The following DPP10 variants were observed in gnomAD, a reference collection of about 807,000 sequenced individuals.
DPP10 encodes inactive dipeptidyl peptidase 10.
DPP10 carries 33 observed loss-of-function variants against 120.9 expected under a neutral mutation model. That is an observed-to-expected ratio of 0.27 (90% CI 0.21 to 0.37). The LOEUF is 0.37. Ranked by LOEUF, DPP10 falls within the 10% of genes least tolerant of loss-of-function variation. DPP10 has a pLI of 1.00. For missense variants in DPP10, 816 were observed against 942.8 expected, an observed-to-expected ratio of 0.87 and a Z score of 1.76; for synonymous variants, 337 against 326.1, an observed-to-expected ratio of 1.03 and a Z score of -0.36.
chr2:115,290,732 T>C (rs764014583), intron 1 of DPP10, among the ~76,000 whole-genome samples: 1 of 152,126 alleles, frequency 6.6e-6, no homozygotes, highest in Non-Finnish European at 1.5e-5. Context: ...AAGCATTTCA[T>C]TTTCCCTGTA....
chr2:115,541,287 A>C (rs1030741830), intron 5 of DPP10, among the ~76,000 whole-genome samples: 2 of 151,902 alleles, frequency 1.3e-5, no homozygotes, highest in Admixed American at 6.6e-5. Flanking sequence ...GGTTAATTTA[A>C]AATTTCCCAC....
At chr2:115,709,275 T>C (rs2092237817) in intron 7 of DPP10, among the ~76,000 whole-genome samples, 1 of 151,982 alleles carries the variant, frequency 6.6e-6, no homozygotes, top group East Asian at 1.9e-4. Context: ...AAAGAGCCCT[T>C]GAGTAGCTGT....
At chr2:115,838,229 G>A (rs1689734324) in intron 24 of DPP10, among the ~76,000 whole-genome samples, 1 of 152,172 alleles carries the variant, frequency 6.6e-6, no homozygotes, top group African/African-American at 2.4e-5. Context: ...TGATGAAAGA[G>A]AGCGTAAAAA....
At chr2:115,757,688 C>T (rs1197044502) in intron 11 of DPP10, among the ~76,000 whole-genome samples, 1 of 151,900 alleles carries the variant, frequency 6.6e-6, no homozygotes, top group Non-Finnish European at 1.5e-5. Context: ...ATACTCAACT[C>T]CAGCAATATA....
chr2:114,688,369 A>G (rs1699508268), intron 1 of DPP10, among the ~76,000 whole-genome samples: 1 of 151,896 alleles, frequency 6.6e-6, no homozygotes, highest in South Asian at 2.1e-4. Flanking sequence ...TTCTACCTAG[A>G]TGTACCTGAG....
intron 1 of DPP10, chr2:115,161,641 G>A (rs2052369201): frequency 5.2e-5 from 13 of 251,370 alleles, no homozygotes; most frequent in South Asian, 1.6e-4. Context: ...GTCAGGGGCC[G>A]GGGCCCCGCC....
intron 3 of DPP10, among the ~76,000 whole-genome samples, chr2:115,382,570 T>C (rs990120174): frequency 2.0e-5 from 3 of 152,178 alleles, no homozygotes; most frequent in Admixed American, 2.0e-4. Context: ...TATTCGGCCA[T>C]CTTCTAATAG....
Position 115,746,104 on chromosome 2 carries a change from A to G in DPP10, c.871A>G (p.Thr291Ala). The G allele has an allele frequency of 1.2e-6, 2 of 1,608,978 alleles. No individual in the cohort carries two copies. The highest frequency in any genetic ancestry group is 8.5e-7 in the Non-Finnish European group (1 of 1,178,646). ...PYPKAGQVNPTIKLYVVNLYG... is the reference protein window; with the variant it reads ...PYPKAGQVNPAIKLYVVNLYG... ...CTCAAAGGCAGGTCAAGTGAACCCA[A>G]CAATAAAATTATATGTTGTAAACCT... is the stretch of plus-strand genomic sequence containing the variant. Residue 291 changes from threonine (T) to alanine (A), a missense_variant, in exon 10 of 26, where the codon ACA becomes GCA. Physicochemically the swap from Thr to Ala is moderately conservative, Grantham distance 58. Transcript: ENST00000410059.
At chr2:114,544,298 G>C (rs998380076) in intron 1 of DPP10, among the ~76,000 whole-genome samples, 6 of 152,190 alleles carry the variant, frequency 3.9e-5, no homozygotes, top group African/African-American at 1.4e-4. Flanking sequence ...CACGAGGCAA[G>C]AACGCTTCAG....
intron 1 of DPP10, among the ~76,000 whole-genome samples, chr2:114,617,596 GTTTAGTGTTGTT>G (rs986221922): frequency 2.0e-5 from 3 of 151,974 alleles, no homozygotes; most frequent in African/African-American, 7.2e-5. Context: ...CTGGCCCTAT[GTTTAGTGTTGTT>G]TTTAGTGTTC....
chr2:114,841,829 AAAG>A (rs1220116961), intron 1 of DPP10, among the ~76,000 whole-genome samples: 3 of 152,088 alleles, frequency 2.0e-5, no homozygotes, highest in East Asian at 3.9e-4. Flanking sequence ...TTTCCAAGAC[AAAG>A]AAGAATTGGT....
chr2:114,719,788 A>G (rs941007924), intron 1 of DPP10, among the ~76,000 whole-genome samples: 2 of 152,216 alleles, frequency 1.3e-5, no homozygotes, highest in Admixed American at 1.3e-4. Flanking sequence ...AAATGGCTAT[A>G]TATTCTTCTT....
chr2:114,841,049 C>G (rs1264010217), intron 1 of DPP10, among the ~76,000 whole-genome samples: 4 of 152,158 alleles, frequency 2.6e-5, no homozygotes, highest in Admixed American at 6.6e-5. Context: ...CAGGATCACA[C>G]AGTAGAGATT....
intron 5 of DPP10, among the ~76,000 whole-genome samples, chr2:115,612,310 A>G (rs1391365367): frequency 1.3e-5 from 2 of 152,184 alleles, no homozygotes; most frequent in African/African-American, 4.8e-5. Context: ...AAAGATGGAA[A>G]GCCATTCTGG....
chr2:115,042,473 C>T (rs550214430), intron 1 of DPP10, among the ~76,000 whole-genome samples: 8 of 151,812 alleles, frequency 5.3e-5, no homozygotes, highest in East Asian at 3.9e-4. Flanking sequence ...GCCATGTTGG[C>T]GAGGCTGATC....
chr2:114,499,262 T>A (rs753168212), intron 1 of DPP10, among the ~76,000 whole-genome samples: 4 of 152,208 alleles, frequency 2.6e-5, no homozygotes, highest in Admixed American at 2.6e-4. Flanking sequence ...TCACTCCTCA[T>A]GCATGTGTAA....
rs111731921 is a variant in DPP10 at position 114,774,595 on chromosome 2, A to G, written c.60+331757A>G. 9.9e-3 allele frequency among the ~76,000 whole-genome samples: 1,473 copies of G among 149,138 alleles called. 7 individuals carry two copies. Among genetic ancestry groups the G allele is most frequent in the Middle Eastern group, 0.027 (8 of 294 alleles). On this transcript the variant is annotated intron_variant, in intron 1 of 25. Transcript: ENST00000410059. ...TATTTAATATAGTTTCAAAGTTGTG[A>G]GCGTATCACTGTTCAGAAGTTAACT...
At chr2:115,348,085 A>G (rs2063798045) in intron 3 of DPP10, among the ~76,000 whole-genome samples, 1 of 152,120 alleles carries the variant, frequency 6.6e-6, no homozygotes, top group Admixed American at 6.6e-5. Context: ...AGGCAGAAGG[A>G]GGTCAGATAC....
chr2:114,950,452 G>A (rs1348477799), intron 1 of DPP10, among the ~76,000 whole-genome samples: 1 of 147,560 alleles, frequency 6.8e-6, no homozygotes, highest in Non-Finnish European at 1.5e-5. Flanking sequence ...CCGCCACCAC[G>A]CCCCGGTAAT....
Sources: allele counts gnomAD v4.1 joint callset (sites outside exome capture counted in the v4.1 genomes callset), GRCh38; gene constraint gnomAD v4.1.1; transcripts MANE v1.5; gene names NCBI Gene and HGNC (gene_info 2026-07-23, HGNC 2026-07-21).